The following CLXN variants were observed in gnomAD, a reference collection of about 807,000 sequenced individuals.
CLXN encodes calaxin, also known as EF-hand calcium binding domain 1.
At chr8:48,730,941 T>C in the CLXN span, among the ~76,000 whole-genome samples, 1 of 152,120 alleles carries the variant, frequency 6.6e-6, no homozygotes, top group African/African-American at 2.4e-5. Context: ...ATTAGATAAA[T>C]ATATGAATAT....
At chr8:48,724,437 CTCTAT>C in the CLXN span, 236 of 217,148 alleles carry the variant, frequency 1.1e-3, 3 homozygotes, top group Admixed American at 2.1e-3. Context: ...TATGTAATCT[CTCTAT>C]TCATTTAATG....
the CLXN span, chr8:48,735,188 T>C: frequency 2.5e-6 from 4 of 1,612,074 alleles, no homozygotes; most frequent in Non-Finnish European, 3.4e-6. Flanking sequence ...GGCGGGGGTC[T>C]CTGGGCGCGC....
the CLXN span, chr8:48,729,976 G>C: frequency 9.6e-7 from 1 of 1,042,170 alleles, no homozygotes; most frequent in Non-Finnish European, 1.4e-6. Context: ...TGTACCCACA[G>C]GTCTTAGTGC....
the CLXN span, among the ~76,000 whole-genome samples, chr8:48,722,241 C>A: frequency 6.6e-6 from 1 of 152,238 alleles, no homozygotes; most frequent in Middle Eastern, 3.4e-3. Context: ...TCAGATATCC[C>A]CTCTTACAGA....
chr8:48,722,326 G>C, the CLXN span, among the ~76,000 whole-genome samples: 1 of 152,172 alleles, frequency 6.6e-6, no homozygotes, highest in Non-Finnish European at 1.5e-5. Context: ...TAAATTACTG[G>C]TGGGAATGCA....
the CLXN span, among the ~76,000 whole-genome samples, chr8:48,731,890 C>A: frequency 6.6e-6 from 1 of 152,034 alleles, no homozygotes; most frequent in Non-Finnish European, 1.5e-5. Flanking sequence ...CTTCTTTTCC[C>A]TGGAAATAGA....
the CLXN span, among the ~76,000 whole-genome samples, chr8:48,722,781 C>CAG: frequency 6.6e-6 from 1 of 151,858 alleles, no homozygotes; most frequent in East Asian, 1.9e-4. Flanking sequence ...CACACACACA[C>CAG]AGACACACAA....
the CLXN span, chr8:48,716,025 G>C: frequency 1.3e-5 from 2 of 152,488 alleles, no homozygotes; most frequent in Non-Finnish European, 2.9e-5. Context: ...GGAGCAGGGG[G>C]CAGGCCTGTC....
At chr8:48,711,310 G>C in the CLXN span, 7 of 152,112 alleles carry the variant, frequency 4.6e-5, no homozygotes, top group Admixed American at 2.0e-4. Flanking sequence ...TAGTTGAGGA[G>C]TCTGGCTTCC....
chr8:48,725,911 T>A, the CLXN span, among the ~76,000 whole-genome samples: 1 of 152,098 alleles, frequency 6.6e-6, no homozygotes. Context: ...AAGATAAAGG[T>A]AAATGAATGA....
At chr8:48,715,962 G>C in the CLXN span, 1 of 152,268 alleles carries the variant, frequency 6.6e-6, no homozygotes, top group African/African-American at 2.4e-5. Context: ...TAAGCTGTAA[G>C]CTGCACACTT....
At chr8:48,729,026 A>G in the CLXN span, 1 of 1,583,814 alleles carries the variant, frequency 6.3e-7, no homozygotes, top group East Asian at 2.3e-5. Context: ...CCGTTCAGGG[A>G]AAGTCATATC....
the CLXN span, chr8:48,712,410 A>G: frequency 7.0e-4 from 107 of 152,356 alleles, no homozygotes; most frequent in Non-Finnish European, 1.4e-3. Context: ...CTCTCACCCC[A>G]GGGACCTCTG....
the CLXN span, chr8:48,724,192 A>G: frequency 6.6e-6 from 1 of 152,186 alleles, no homozygotes; most frequent in Admixed American, 6.5e-5. Flanking sequence ...AGCCTCAAAC[A>G]ATAATGCAAA....
chr8:48,712,058 G>A, the CLXN span: 1 of 152,170 alleles, frequency 6.6e-6, no homozygotes, highest in Admixed American at 6.5e-5. Context: ...TGTTTCTAAA[G>A]GATTCATGAA....
the CLXN span, chr8:48,735,195 G>T: frequency 1.9e-6 from 3 of 1,610,154 alleles, no homozygotes; most frequent in Non-Finnish European, 2.5e-6. Flanking sequence ...GTCTCTGGGC[G>T]CGCGGCTACC....
At chr8:48,727,262 C>G in the CLXN span, among the ~76,000 whole-genome samples, 2 of 147,032 alleles carry the variant, frequency 1.4e-5, no homozygotes, top group Middle Eastern at 3.4e-3. Context: ...ATCCATCTCT[C>G]ATTACTAGAC....
At chr8:48,717,543 C>T in the CLXN span, among the ~76,000 whole-genome samples, 4 of 152,228 alleles carry the variant, frequency 2.6e-5, no homozygotes, top group South Asian at 8.3e-4. Flanking sequence ...GAGAGTTCTT[C>T]AATTTGAAAT....
At chr8:48,729,648 T>C in the CLXN span, 1 of 1,365,516 alleles carries the variant, frequency 7.3e-7, no homozygotes, top group South Asian at 1.4e-5. Context: ...ATTATAATAA[T>C]TTGAATTCTT....
Sources: allele counts gnomAD v4.1 joint callset (sites outside exome capture counted in the v4.1 genomes callset), GRCh38; gene constraint gnomAD v4.1.1; transcripts MANE v1.5; gene names NCBI Gene and HGNC (gene_info 2026-07-23, HGNC 2026-07-21).